Variants in CYYR1 observed in about 807,000 individuals in gnomAD.
CYYR1 encodes the protein cysteine and tyrosine rich 1.
Under a neutral mutation model 15.2 loss-of-function variants are expected in CYYR1, and 14 were observed. The ratio of observed to expected loss-of-function variants is 0.92; its 90% CI spans 0.61 to 1.44. The LOEUF is 1.44. CYYR1 is among the 40% of genes most tolerant of loss of function. The pLI is 0.00. For synonymous variants in CYYR1, 80 were observed against 77.4 expected (o/e 1.03, Z -0.18); for missense variants, 228 against 209.5 (o/e 1.09, Z -0.54).
chr21:26,481,495 G>T (rs532493194), intron 2 of CYYR1, among the ~76,000 whole-genome samples: 1 of 152,128 alleles, frequency 6.6e-6, no homozygotes, highest in South Asian at 2.1e-4. Context: ...ATAGTAATTT[G>T]TATTCATTCA....
At chr21:26,513,811 A>G (rs577803487) in intron 2 of CYYR1, among the ~76,000 whole-genome samples, 5 of 151,352 alleles carry the variant, frequency 3.3e-5, no homozygotes, top group African/African-American at 1.2e-4. Context: ...AACTATTGCA[A>G]GGACAAAAAA....
At chr21:26,496,568 C>T (rs1242035000) in intron 2 of CYYR1, among the ~76,000 whole-genome samples, 1 of 151,818 alleles carries the variant, frequency 6.6e-6, no homozygotes, top group Admixed American at 6.6e-5. Flanking sequence ...GGTAAATATA[C>T]AAAACTAGTA....
At chr21:26,478,146 G>A in intron 3 of CYYR1, 3 of 1,548,968 alleles carry the variant, frequency 1.9e-6, no homozygotes, top group Non-Finnish European at 2.6e-6. Flanking sequence ...CTAGGAAGAG[G>A]AAATGAACAA....
chr21:26,531,030 A>G (rs976103197), intron 2 of CYYR1, among the ~76,000 whole-genome samples: 1 of 152,192 alleles, frequency 6.6e-6, no homozygotes. Context: ...CAAAGAGAGA[A>G]TAACTGTGCT....
At chr21:26,500,265 A>G (rs1443979295) in intron 2 of CYYR1, among the ~76,000 whole-genome samples, 1 of 152,202 alleles carries the variant, frequency 6.6e-6, no homozygotes, top group Non-Finnish European at 1.5e-5. Flanking sequence ...GGGCTGCAAT[A>G]TATAAATTTT....
chr21:26,473,338 G>A (rs150754), intron 3 of CYYR1, among the ~76,000 whole-genome samples: 3 of 151,536 alleles, frequency 2.0e-5, no homozygotes, highest in South Asian at 2.1e-4. Flanking sequence ...TCCATTACCC[G>A]CATCCCCAGC....
At chr21:26,505,059 T>C (rs1348172249) in intron 2 of CYYR1, among the ~76,000 whole-genome samples, 1 of 152,210 alleles carries the variant, frequency 6.6e-6, no homozygotes, top group African/African-American at 2.4e-5. Context: ...TTTTGAAAGA[T>C]GGTTAAAATA....
At chr21:26,482,281 A>G in intron 2 of CYYR1, 1 of 972,408 alleles carries the variant, frequency 1.0e-6, no homozygotes. Flanking sequence ...ATTTTTAAAC[A>G]ATTTCCATGA....
rs948439421 is a variant in CYYR1 at position 26,467,599 on chromosome 21, C to T, written c.*902G>A. ...CTTTTACTTGGAAGTGAAGTGTCTG[C>T]TACCTGTGGAACTTGATACAATTTT... On this transcript the variant is annotated 3_prime_UTR_variant, in exon 4 of 4. Transcript: ENST00000652641. The T allele has an allele frequency of 3.3e-5, 5 of 152,008 alleles. No homozygotes were observed. The highest frequency in any genetic ancestry group is 5.9e-5 in the Non-Finnish European group (4 of 67,994). The allele number at this position is 152,008 out of a possible 1,614,324, so 9.4% of individuals were successfully genotyped here.
chr21:26,486,584 C>T (rs1228218251), intron 2 of CYYR1, among the ~76,000 whole-genome samples: 1 of 152,000 alleles, frequency 6.6e-6, no homozygotes, highest in Non-Finnish European at 1.5e-5. Flanking sequence ...ATCAGTTGGC[C>T]TGTGCAGGAC....
At chr21:26,489,283 T>A (rs2065294284) in intron 2 of CYYR1, among the ~76,000 whole-genome samples, 2 of 152,300 alleles carry the variant, frequency 1.3e-5, no homozygotes, top group South Asian at 4.1e-4. Flanking sequence ...CTCTTGAATA[T>A]GTTGTAGATT....
chr21:26,488,687 G>T (rs1346417639), intron 2 of CYYR1, among the ~76,000 whole-genome samples: 2 of 152,112 alleles, frequency 1.3e-5, no homozygotes, highest in African/African-American at 4.8e-5. Context: ...AAGATGGCTG[G>T]AATGGGATTT....
chr21:26,491,199 ACT>A (rs1259354514), intron 2 of CYYR1, among the ~76,000 whole-genome samples: 1 of 152,006 alleles, frequency 6.6e-6, no homozygotes, highest in South Asian at 2.1e-4. Context: ...CAGATACAAT[ACT>A]CTCATTTATA....
At chr21:26,543,057 C>G (rs1437717154) in intron 2 of CYYR1, among the ~76,000 whole-genome samples, 1 of 152,100 alleles carries the variant, frequency 6.6e-6, no homozygotes, top group Non-Finnish European at 1.5e-5. Context: ...TTAAAAATTC[C>G]TTAGCAAACT....
intron 2 of CYYR1, among the ~76,000 whole-genome samples, chr21:26,548,336 GTTTA>G (rs915615554): frequency 2.2e-4 from 33 of 152,194 alleles, no homozygotes; most frequent in African/African-American, 7.0e-4. Context: ...TTTTGGTAAG[GTTTA>G]TTTGTCTAAT....
At chr21:26,508,910 G>T (rs992437674) in intron 2 of CYYR1, among the ~76,000 whole-genome samples, 2 of 152,176 alleles carry the variant, frequency 1.3e-5, no homozygotes, top group Non-Finnish European at 2.9e-5. Flanking sequence ...CACGAGCATT[G>T]GTTTAGTGAG....
intron 2 of CYYR1, among the ~76,000 whole-genome samples, chr21:26,492,932 G>C (rs2065347870): frequency 6.6e-6 from 1 of 152,012 alleles, no homozygotes; most frequent in African/African-American, 2.4e-5. Context: ...TAGCATGTGT[G>C]AGAGTGTGTG....
chr21:26,538,234 G>A (rs142435196), intron 2 of CYYR1, among the ~76,000 whole-genome samples: 29 of 152,340 alleles, frequency 1.9e-4, no homozygotes, highest in Non-Finnish European at 3.7e-4. Flanking sequence ...GTGTGCAGAA[G>A]TGGAAGTTGG....
intron 2 of CYYR1, chr21:26,482,140 C>T (rs953466962): frequency 2.7e-6 from 1 of 372,488 alleles, no homozygotes; most frequent in Non-Finnish European, 3.7e-6. Flanking sequence ...GCAGATCTCT[C>T]AGACAAGATT....
Sources: gnomAD v4.1 joint callset for allele counts (sites outside exome capture counted in the v4.1 genomes callset) on GRCh38, gnomAD v4.1.1 for gene constraint, MANE v1.5 for transcripts, NCBI Gene and HGNC (gene_info 2026-07-23, HGNC 2026-07-21) for gene names.